The following CD302 variants were observed in gnomAD, a reference collection of about 807,000 sequenced individuals.
CD302 encodes CD302 antigen.
CD302 carries 23 observed loss-of-function variants against 26.5 expected under a neutral mutation model. That is an observed-to-expected ratio of 0.87 (90% CI 0.62 to 1.23). The LOEUF (loss-of-function observed/expected upper bound fraction) is 1.23, where lower values mean the gene tolerates loss of function less well. Ranked by LOEUF, CD302 falls within the 50% of genes most tolerant of loss-of-function variation. The probability of loss-of-function intolerance (pLI) is 0.00; values close to 1 mark genes in which losing one functional copy is unlikely to be tolerated. For missense variants in CD302, 290 were observed against 275.5 expected (o/e 1.05, Z -0.37); for synonymous variants, 90 against 99.4 (o/e 0.91, Z 0.56).
Position 159,770,387 on chromosome 2 carries a change from T to C in CD302, c.*1464A>G, listed in dbSNP as rs17815029. ...TAATAGTTTTCTATCACTTTTTAGT[T>C]ACTCATGTCTCATTAATGATAGTGC... On this transcript the variant is annotated 3_prime_UTR_variant, in exon 6 of 6. Transcript: ENST00000259053. 0.32 allele frequency: 48,421 copies of C among 152,078 alleles called. 9,684 individuals are homozygous for C. Among genetic ancestry groups the C allele is most frequent in the Admixed American group, 0.48 (7,371 of 15,274 alleles). The allele number at this position is 152,078 out of a possible 1,614,324, so 9.4% of individuals were successfully genotyped here. A position where few individuals can be genotyped will look rare whatever the true frequency, so the allele number is the denominator to read the frequency against.
At chr2:159,774,348 TAAATTGTGAAGACTACAC>T (rs374825217) in intron 5 of CD302, among the ~76,000 whole-genome samples, 6 of 152,224 alleles carry the variant, frequency 3.9e-5, no homozygotes, top group African/African-American at 1.4e-4. Flanking sequence ...TTCCTCTCTA[TAAATTGTGAAGACTACAC>T]ATTTTTCTTC....
chr2:159,782,487 C>T (rs2125803888), intron 2 of CD302, among the ~76,000 whole-genome samples: 1 of 149,936 alleles, frequency 6.7e-6, no homozygotes, highest in South Asian at 2.1e-4. Context: ...AATCCCAGCA[C>T]CTTGGAAGGC....
At chr2:159,794,671 C>T (rs965839618) in intron 1 of CD302, among the ~76,000 whole-genome samples, 3 of 151,726 alleles carry the variant, frequency 2.0e-5, no homozygotes, top group South Asian at 2.1e-4. Flanking sequence ...GCCTCAGCCT[C>T]CTGAGTAGCT....
chr2:159,773,766 A>G (rs544135061), intron 5 of CD302, among the ~76,000 whole-genome samples: 1 of 152,352 alleles, frequency 6.6e-6, no homozygotes, highest in Admixed American at 6.5e-5. Context: ...GGATAGTTTT[A>G]CATTAGGAAA....
At position 159,796,150 on chromosome 2, in the gene CD302, C is replaced by T. The variant is rs78805090; in HGVS notation, c.67+1982G>A. On this transcript the variant is annotated intron_variant, in intron 1 of 5. Coordinates refer to ENST00000259053, the MANE Select transcript of CD302 (RefSeq NM_014880.5). ...TCAACATCACATTTATATGCAATAC[C>T]CATATTTATTATGCAACATCATAAG... 3.0e-3 allele frequency among the ~76,000 whole-genome samples: 458 copies of T among 152,222 alleles called. 2 individuals carry two copies. Among genetic ancestry groups the T allele is most frequent in the African/African-American group, 0.01 (428 of 41,508 alleles).
At chr2:159,788,149 C>T (rs1020117759) in intron 1 of CD302, among the ~76,000 whole-genome samples, 7 of 151,950 alleles carry the variant, frequency 4.6e-5, no homozygotes, top group African/African-American at 1.7e-4. Context: ...ATACTGTCTT[C>T]ATGTTTGATG....
In CD302 at chr2:159,798,163, C is replaced by T. The variant is rs1682530579; in HGVS notation, c.36G>A (p.Pro12=). The part of the protein sequence containing the change: ...LRAALPALLL[P]LLGLAAAAVA... ...CGGCAGCAGCGGCGAGGCCCAGCAACGGCAGCAGGAGCGCGGGCAGCGCGG... is the reference window on the plus strand; with the variant it reads ...CGGCAGCAGCGGCGAGGCCCAGCAATGGCAGCAGGAGCGCGGGCAGCGCGG... Residue 12 remains proline, a synonymous_variant, in exon 1 of 6, where the codon CCG becomes CCA. Transcript: ENST00000259053. 2.7e-6 allele frequency: 4 copies of T among 1,482,648 alleles called. No individual in the cohort carries two copies. Among genetic ancestry groups the T allele is most frequent in the Non-Finnish European group, 3.6e-6 (4 of 1,122,442 alleles). The allele number at this position is 1,482,648 out of a possible 1,614,324, so 91.8% of individuals were successfully genotyped here. A position where few individuals can be genotyped will look rare whatever the true frequency, so the allele number is the denominator to read the frequency against.
At chr2:159,777,666 T>C (rs985515816) in intron 5 of CD302, among the ~76,000 whole-genome samples, 4 of 152,270 alleles carry the variant, frequency 2.6e-5, no homozygotes, top group East Asian at 1.9e-4. Context: ...TAAAGTATTA[T>C]GACACTTAGG....
At chr2:159,795,782 A>T (rs1267918988) in intron 1 of CD302, among the ~76,000 whole-genome samples, 1 of 152,226 alleles carries the variant, frequency 6.6e-6, no homozygotes, top group Non-Finnish European at 1.5e-5. Flanking sequence ...TCAGGGAAGA[A>T]GGCAGAGGCA....
In CD302 at chr2:159,768,994, G is replaced by T. The variant is rs1708044588; in HGVS notation, c.*2857C>A. On this transcript the variant is annotated 3_prime_UTR_variant, in exon 6 of 6. Transcript: ENST00000259053. ...ATGGCTTAAGCTTTACAGTATTCTTGTAGTTCCCTAGTACCACTTAGTATT... is the reference window on the plus strand; with the variant it reads ...ATGGCTTAAGCTTTACAGTATTCTTTTAGTTCCCTAGTACCACTTAGTATT... The T allele has an allele frequency of 6.6e-6, 1 of 152,102 alleles. No individual in the cohort carries two copies. Among genetic ancestry groups the T allele is most frequent in the Non-Finnish European group, 1.5e-5 (1 of 67,992 alleles). The allele number at this position is 152,102 out of a possible 1,614,324, so 9.4% of individuals were successfully genotyped here. A position where few individuals can be genotyped will look rare whatever the true frequency, so the allele number is the denominator to read the frequency against.
chr2:159,780,318 G>GATT (rs1560044443), intron 3 of CD302, 140 bp from the exon 4 acceptor site: 288 of 966,622 alleles, frequency 3.0e-4, no homozygotes, highest in Non-Finnish European at 4.0e-4. Flanking sequence ...TTAGAAGGAG[G>GATT]AATATATCCT....
rs115505058 is a variant in CD302, at chr2:159,773,464, A to G, written c.497-1411T>C. ...ATCTACTTTAAATAGGAATTACATG[A>G]TAGTAATATAGAAAAGTCTGAAAGA... is the stretch of plus-strand genomic sequence containing the variant. On this transcript the variant is annotated intron_variant, in intron 5 of 5. Transcript: ENST00000259053. Among the ~76,000 whole-genome samples the G allele has an allele frequency of 1.7e-3, 265 of 152,340 alleles. 1 individual carries two copies. The highest frequency in any genetic ancestry group is 3.0e-3 in the Non-Finnish European group (201 of 68,034).
intron 1 of CD302, among the ~76,000 whole-genome samples, chr2:159,794,612 G>A (rs749893539): frequency 5.9e-5 from 9 of 151,456 alleles, no homozygotes; most frequent in Non-Finnish European, 1.2e-4. Context: ...GCAGTGGCGC[G>A]ATCTCAGCTC....
intron 1 of CD302, among the ~76,000 whole-genome samples, chr2:159,794,739 A>G (rs914066585): frequency 5.3e-5 from 8 of 150,136 alleles, no homozygotes; most frequent in Non-Finnish European, 7.4e-5. Context: ...TAGTAGAGAC[A>G]GGGTTTCACC....
Position 159,771,971 on chromosome 2 carries a change from G to A in CD302, c.579C>T (p.Tyr193=), listed in dbSNP as rs954467821. Residue 193 remains tyrosine, a synonymous_variant, in exon 6 of 6, where the codon TAC becomes TAT. Transcript: ENST00000259053. ...TGAAACGAGAATCAGAATGTTTTTTGTACAGGAACCAAATGATTGCTCCCA... is the reference window on the plus strand; with the variant it reads ...TGAAACGAGAATCAGAATGTTTTTTATACAGGAACCAAATGATTGCTCCCA... The part of the protein sequence containing the change: ...TVLGAIIWFL[Y]KKHSDSRFTT... 4.3e-6 allele frequency: 7 copies of A among 1,613,846 alleles called. No individual in the cohort carries two copies. In the Admixed American group the frequency reaches 6.7e-5, roughly 15 times the overall value.
intron 1 of CD302, among the ~76,000 whole-genome samples, chr2:159,789,018 T>C (rs372213284): frequency 2.2e-5 from 3 of 134,732 alleles, no homozygotes; most frequent in African/African-American, 7.6e-5. Context: ...TAAGGGTAAC[T>C]CCAATTTTTT....
In CD302 at chr2:159,777,972, A is replaced by G. The variant is rs554953765; in HGVS notation, c.470-8T>C. The G allele has an allele frequency of 1.1e-6, 1 of 939,904 alleles. No homozygotes were observed. The highest frequency in any genetic ancestry group is 1.5e-6 in the Non-Finnish European group (1 of 652,718). The allele number at this position is 939,904 out of a possible 1,614,324, so 58.2% of individuals were successfully genotyped here. On this transcript the variant is annotated splice_polypyrimidine_tract_variant and splice_region_variant and intron_variant, in intron 4 of 5. Transcript: ENST00000259053. ...ATTTCCTTTTGTATGGGACTAAAAT[A>G]CAAAAGAAAATAAAAATTAGAATTT...
At chr2:159,796,207 A>G (rs1006347570) in intron 1 of CD302, among the ~76,000 whole-genome samples, 6 of 152,236 alleles carry the variant, frequency 3.9e-5, no homozygotes, top group African/African-American at 1.4e-4. Context: ...GTATTCAGCA[A>G]CAAACTCTTT....
In CD302 at chr2:159,772,053, T is replaced by C; in HGVS notation, c.497A>G (p.Asp166Gly). The C allele has an allele frequency of 6.2e-7, 1 of 1,613,754 alleles. No homozygotes were observed. The highest frequency in any genetic ancestry group is 8.5e-7 in the Non-Finnish European group (1 of 1,179,806). The change falls in exon 6 of 6, where the codon GAT (aspartate) becomes GGT (glycine). Residue 166 changes from aspartate (D) to glycine (G), a missense_variant and splice_region_variant. By Grantham distance (94) the Asp-to-Gly change is moderately conservative. Coordinates refer to ENST00000259053, the MANE Select transcript of CD302 (RefSeq NM_014880.5). ...CAATGCTGATATTAAAATGTGGTTA[T>C]CTGAAAAGGAAAAGACAAAAGAGTA... Reference protein sequence around the residue: ...AIPYKRKYLSDNHILISALVI... With the variant: ...AIPYKRKYLSGNHILISALVI...
Sources: gnomAD v4.1 joint callset for allele counts (sites outside exome capture counted in the v4.1 genomes callset) on GRCh38, gnomAD v4.1.1 for gene constraint, MANE v1.5 for transcripts, NCBI Gene and HGNC (gene_info 2026-07-23, HGNC 2026-07-21) for gene names.